The following IMMP2L variants were observed in gnomAD, a reference collection of about 807,000 sequenced individuals.
IMMP2L encodes the protein inner mitochondrial membrane peptidase subunit 2.
In IMMP2L, 18 loss-of-function variants were observed where a neutral mutation model predicts 19.3. The observed-to-expected ratio is 0.93, with a 90% CI of 0.64 to 1.38. The LOEUF (loss-of-function observed/expected upper bound fraction) is 1.38. Among genes scored for constraint, IMMP2L ranks in the 40% most tolerant of loss-of-function variants. The pLI, the probability that IMMP2L is intolerant of heterozygous loss-of-function variation, is 0.00. For missense variants in IMMP2L, 233 were observed against 218.2 expected (o/e 1.07, Z -0.43); for synonymous variants, 76 against 73.0 (o/e 1.04, Z -0.21).
At chr7:111,064,209 G>T (rs1794288090) in intron 3 of IMMP2L, among the ~76,000 whole-genome samples, 1 of 152,148 alleles carries the variant, frequency 6.6e-6, no homozygotes, top group South Asian at 2.1e-4. Flanking sequence ...TAAACCATCA[G>T]ATCTCATGGG....
intron 3 of IMMP2L, among the ~76,000 whole-genome samples, chr7:111,312,365 T>C (rs1051783313): frequency 2.0e-5 from 3 of 152,142 alleles, no homozygotes; most frequent in Non-Finnish European, 4.4e-5. Flanking sequence ...AGAAAGCTAG[T>C]GAGGCTGTGA....
intron 3 of IMMP2L, among the ~76,000 whole-genome samples, chr7:110,965,275 TG>T (rs1275524414): frequency 6.6e-6 from 1 of 152,040 alleles, no homozygotes; most frequent in African/African-American, 2.4e-5. Context: ...CATTTTGAAT[TG>T]AAGTACTTTT....
At chr7:111,319,169 T>C (rs1306097232) in intron 3 of IMMP2L, among the ~76,000 whole-genome samples, 1 of 152,120 alleles carries the variant, frequency 6.6e-6, no homozygotes, top group Non-Finnish European at 1.5e-5. Flanking sequence ...TCATTTGTAA[T>C]CTTGTCACAC....
At chr7:110,880,943 G>T (rs1421813675) in intron 5 of IMMP2L, among the ~76,000 whole-genome samples, 1 of 152,018 alleles carries the variant, frequency 6.6e-6, no homozygotes, top group Non-Finnish European at 1.5e-5. Flanking sequence ...GAATAATTAA[G>T]ACATAAGACA....
At chr7:111,276,573 C>A (rs113503198) in intron 3 of IMMP2L, among the ~76,000 whole-genome samples, 4 of 150,992 alleles carry the variant, frequency 2.6e-5, no homozygotes, top group African/African-American at 9.7e-5. Context: ...CCCATCTGAT[C>A]CTGGGCTTTT....
intron 3 of IMMP2L, among the ~76,000 whole-genome samples, chr7:111,235,060 T>G (rs1050869095): frequency 7.9e-5 from 12 of 152,186 alleles, no homozygotes; most frequent in Admixed American, 6.5e-4. Context: ...CTGAAGAACT[T>G]TTTTTAGCAT....
At chr7:111,479,654 T>C (rs188583879) in intron 3 of IMMP2L, among the ~76,000 whole-genome samples, 1 of 152,298 alleles carries the variant, frequency 6.6e-6, no homozygotes, top group East Asian at 1.9e-4. Context: ...TTACATATAA[T>C]ATTTAACGTG....
intron 3 of IMMP2L, chr7:111,391,932 A>G: frequency 1.4e-6 from 1 of 702,936 alleles, no homozygotes; most frequent in Non-Finnish European, 2.6e-6. Context: ...TTGACCTCAG[A>G]TATGCACTTC....
At chr7:111,187,081 C>T (rs184025816) in intron 3 of IMMP2L, among the ~76,000 whole-genome samples, 136 of 152,134 alleles carry the variant, frequency 8.9e-4, no homozygotes, top group African/African-American at 3.2e-3. Context: ...AGACTGCAAA[C>T]GTATAAATAA....
At chr7:110,753,812 G>A (rs1252599723) in intron 5 of IMMP2L, among the ~76,000 whole-genome samples, 1 of 151,506 alleles carries the variant, frequency 6.6e-6, no homozygotes, top group Admixed American at 6.6e-5. Flanking sequence ...ACAAAATAGG[G>A]CGGGAATATA....
intron 3 of IMMP2L, among the ~76,000 whole-genome samples, chr7:111,132,575 C>G (rs1275706273): frequency 6.6e-6 from 1 of 152,022 alleles, no homozygotes; most frequent in East Asian, 1.9e-4. Flanking sequence ...TCATTGTGAG[C>G]TGATAATGCT....
intron 4 of IMMP2L, among the ~76,000 whole-genome samples, chr7:110,895,962 C>T (rs1014984254): frequency 6.6e-6 from 1 of 152,044 alleles, no homozygotes; most frequent in Non-Finnish European, 1.5e-5. Context: ...GCTGGGACTA[C>T]AGGTGTGTGC....
At chr7:110,874,936 CAGA>C (rs1294505839) in intron 5 of IMMP2L, among the ~76,000 whole-genome samples, 3 of 151,896 alleles carry the variant, frequency 2.0e-5, no homozygotes, top group Non-Finnish European at 4.4e-5. Context: ...GAGCAGGAGG[CAGA>C]AGGGCAAAGA....
At chr7:110,717,877 T>C (rs11768241) in intron 5 of IMMP2L, among the ~76,000 whole-genome samples, 56,599 of 152,092 alleles carry the variant, frequency 0.37, 12,285 homozygotes, top group East Asian at 0.63. Flanking sequence ...GAATTATTAA[T>C]AGATAAAACT....
At chr7:111,017,089 A>G (rs1176942042) in intron 3 of IMMP2L, among the ~76,000 whole-genome samples, 1 of 146,650 alleles carries the variant, frequency 6.8e-6, no homozygotes, top group Non-Finnish European at 1.5e-5. Context: ...TTATTTATTT[A>G]TTGAGAAAGA....
intron 3 of IMMP2L, among the ~76,000 whole-genome samples, chr7:111,374,176 T>A (rs1239269409): frequency 6.6e-6 from 1 of 152,124 alleles, no homozygotes; most frequent in South Asian, 2.1e-4. Flanking sequence ...TAAAGCTTGA[T>A]ATTGTCAGGT....
intron 5 of IMMP2L, among the ~76,000 whole-genome samples, chr7:110,764,887 TATTAAAAAC>T (rs1037244172): frequency 1.3e-5 from 2 of 152,098 alleles, no homozygotes; most frequent in Admixed American, 1.3e-4. Context: ...ACCAAGATGT[TATTAAAAAC>T]ATTAAAAACT....
At chr7:110,818,419 A>G (rs1477705404) in intron 5 of IMMP2L, among the ~76,000 whole-genome samples, 4 of 152,194 alleles carry the variant, frequency 2.6e-5, no homozygotes, top group African/African-American at 9.7e-5. Context: ...ATGAGATACC[A>G]TCTCACATCA....
chr7:111,539,169 AAG>A, intron 1 of IMMP2L, among the ~76,000 whole-genome samples: 13 of 63,230 alleles, frequency 2.1e-4, no homozygotes, highest in Non-Finnish European at 3.0e-4. Flanking sequence ...GGAAGGAAGG[AAG>A]GAAGGAAGGA....
Sources: gnomAD v4.1 joint callset for allele counts (sites outside exome capture counted in the v4.1 genomes callset) on GRCh38, gnomAD v4.1.1 for gene constraint, MANE v1.5 for transcripts, NCBI Gene and HGNC (gene_info 2026-07-23, HGNC 2026-07-21) for gene names.